The following CD8B2 variants were observed in gnomAD, a reference collection of about 807,000 sequenced individuals.
CD8B2 encodes CD8B family member 2, also known as T-cell surface glycoprotein CD8 beta-2 chain.
CD8B2 carries 11 observed loss-of-function variants against 23.7 expected under a neutral mutation model. The observed-to-expected ratio is 0.46, with a 90% CI of 0.29 to 0.77. The LOEUF is 0.77. Among genes scored for constraint, CD8B2 ranks in the 30% least tolerant of loss-of-function variants. The pLI, the probability that CD8B2 is intolerant of heterozygous loss-of-function variation, is 0.09. For missense variants in CD8B2, 197 were observed against 270.5 expected, an observed-to-expected ratio of 0.73 and a Z score of 1.91; for synonymous variants, 90 against 109.3, an observed-to-expected ratio of 0.82 and a Z score of 1.10.
chr2:106,521,755 C>T (rs1013104367), intron 5 of CD8B2: 3 of 152,240 alleles, frequency 2.0e-5, no homozygotes, highest in Non-Finnish European at 4.4e-5. Flanking sequence ...ATGGAAAACC[C>T]TCCCCATGAT....
downstream of CD8B2, among the ~76,000 whole-genome samples, chr2:106,511,497 C>A (rs1480632759): frequency 6.7e-6 from 1 of 150,098 alleles, no homozygotes; most frequent in Non-Finnish European, 1.5e-5. Context: ...GTGGAGCCCA[C>A]CCCGGCCTGT....
intron 5 of CD8B2, among the ~76,000 whole-genome samples, chr2:106,539,018 G>T (rs987033409): frequency 6.6e-6 from 1 of 152,198 alleles, no homozygotes; most frequent in African/African-American, 2.4e-5. Flanking sequence ...CTTGCAGCTG[G>T]TGTGTGCTGG....
downstream of CD8B2, among the ~76,000 whole-genome samples, chr2:106,514,840 T>A (rs1483504694): frequency 6.6e-6 from 1 of 152,156 alleles, no homozygotes; most frequent in Non-Finnish European, 1.5e-5. Flanking sequence ...ATCTTTTTCA[T>A]AGCATTCTTT....
At chr2:106,529,404 T>C (rs919423034) in intron 5 of CD8B2, among the ~76,000 whole-genome samples, 1 of 152,158 alleles carries the variant, frequency 6.6e-6, no homozygotes, top group Non-Finnish European at 1.5e-5. Context: ...CTGTAACTGA[T>C]AAGATAGGAC....
At chr2:106,522,762 A>C (rs1486443567) in intron 5 of CD8B2, among the ~76,000 whole-genome samples, 3 of 152,186 alleles carry the variant, frequency 2.0e-5, no homozygotes, top group South Asian at 2.1e-4. Flanking sequence ...ATCCCTGAGC[A>C]GTTAATGTAG....
chr2:106,534,429 T>TAAC (rs1307875657), intron 5 of CD8B2, among the ~76,000 whole-genome samples: 1 of 152,072 alleles, frequency 6.6e-6, no homozygotes, highest in Non-Finnish European at 1.5e-5. Flanking sequence ...ACAACAACAA[T>TAAC]AACAAATTGC....
At chr2:106,501,672 A>G (rs1280386509) in intron 3 of CD8B2, among the ~76,000 whole-genome samples, 1 of 152,178 alleles carries the variant, frequency 6.6e-6, no homozygotes, top group Non-Finnish European at 1.5e-5. Flanking sequence ...ACAGAGCGAG[A>G]CTCTGTATCA....
intron 5 of CD8B2, among the ~76,000 whole-genome samples, chr2:106,516,557 G>A (rs1679732655): frequency 6.6e-6 from 1 of 152,202 alleles, no homozygotes; most frequent in African/African-American, 2.4e-5. Context: ...CAAATAAATA[G>A]AAAGATGAGA....
downstream of CD8B2, among the ~76,000 whole-genome samples, chr2:106,513,591 C>T (rs1290559211): frequency 2.4e-4 from 36 of 150,366 alleles, no homozygotes; most frequent in African/African-American, 7.6e-4. Flanking sequence ...GGGGTGGAGG[C>T]TCCTCTTCCC....
At chr2:106,536,792 A>G (rs917634897) in intron 5 of CD8B2, among the ~76,000 whole-genome samples, 1 of 152,166 alleles carries the variant, frequency 6.6e-6, no homozygotes, top group Admixed American at 6.5e-5. Context: ...TGAGTTAATT[A>G]TGGGTGTGAT....
chr2:106,511,373 T>C (rs1426620600), downstream of CD8B2, among the ~76,000 whole-genome samples: 1 of 152,140 alleles, frequency 6.6e-6, no homozygotes, highest in Non-Finnish European at 1.5e-5. Flanking sequence ...AAGGAGAACA[T>C]CTATAGTACT....
At chr2:106,504,644 A>G (rs1410090188) in intron 5 of CD8B2, among the ~76,000 whole-genome samples, 1 of 152,160 alleles carries the variant, frequency 6.6e-6, no homozygotes, top group Non-Finnish European at 1.5e-5. Context: ...AACCTAAGAG[A>G]TAACCTAAAC....
chr2:106,518,847 T>C (rs537354295), intron 5 of CD8B2, among the ~76,000 whole-genome samples: 4 of 152,106 alleles, frequency 2.6e-5, no homozygotes, highest in African/African-American at 9.7e-5. Context: ...CATCTTTTTA[T>C]CCATTTATCC....
intron 5 of CD8B2, among the ~76,000 whole-genome samples, chr2:106,541,432 A>T (rs1680172289): frequency 2.6e-5 from 4 of 152,138 alleles, no homozygotes; most frequent in South Asian, 2.1e-4. Context: ...ATGTCCAGGC[A>T]CATTATTGGC....
intron 1 of CD8B2, among the ~76,000 whole-genome samples, chr2:106,489,792 T>C (rs1297361960): frequency 6.6e-6 from 1 of 152,168 alleles, no homozygotes; most frequent in Non-Finnish European, 1.5e-5. Flanking sequence ...ATTTCATTTA[T>C]TTCCAACCCT....
chr2:106,537,094 C>G (rs941668681), intron 5 of CD8B2, among the ~76,000 whole-genome samples: 4 of 152,144 alleles, frequency 2.6e-5, no homozygotes, highest in Admixed American at 2.0e-4. Context: ...TCGTCACCAC[C>G]CCATCAGCAG....
intron 5 of CD8B2, among the ~76,000 whole-genome samples, chr2:106,532,089 C>T (rs1263717027): frequency 4.6e-5 from 7 of 152,262 alleles, no homozygotes. Flanking sequence ...CTCAGTCTAA[C>T]ATTTTGTTCC....
At chr2:106,541,836 C>T (rs1468267128) in intron 5 of CD8B2, among the ~76,000 whole-genome samples, 1 of 152,216 alleles carries the variant, frequency 6.6e-6, no homozygotes, top group Non-Finnish European at 1.5e-5. Context: ...TATTTCATCC[C>T]TTCTATCCTT....
chr2:106,538,233 A>G (rs1312737294), intron 5 of CD8B2, among the ~76,000 whole-genome samples: 2 of 152,160 alleles, frequency 1.3e-5, no homozygotes, highest in African/African-American at 4.8e-5. Context: ...ACGGGAAAAT[A>G]CGGTATAGGC....
Sources: gnomAD v4.1 joint callset for allele counts (sites outside exome capture counted in the v4.1 genomes callset) on GRCh38, gnomAD v4.1.1 for gene constraint, MANE v1.5 for transcripts, NCBI Gene and HGNC (gene_info 2026-07-23, HGNC 2026-07-21) for gene names.